ANKRD29: variants seen among roughly 807,000 people sequenced by gnomAD.
ANKRD29 encodes ankyrin repeat domain 29.
Under a neutral mutation model 38.0 loss-of-function variants are expected in ANKRD29, and 32 were observed. The observed-to-expected ratio is 0.84, with a 90% CI of 0.64 to 1.13. The LOEUF (loss-of-function observed/expected upper bound fraction) is 1.13, where lower values mean the gene tolerates loss of function less well. Among genes scored for constraint, ANKRD29 ranks in the 50% most tolerant of loss-of-function variants. The probability of loss-of-function intolerance (pLI) is 0.00; values close to 1 mark genes in which losing one functional copy is unlikely to be tolerated. For synonymous variants in ANKRD29, 135 were observed against 152.4 expected, an observed-to-expected ratio of 0.89 and a Z score of 0.84; for missense variants, 357 against 377.9, an observed-to-expected ratio of 0.94 and a Z score of 0.46.
At chr18:23,613,860 A>C (rs531341511) in intron 8 of ANKRD29, among the ~76,000 whole-genome samples, 1 of 152,166 alleles carries the variant, frequency 6.6e-6, no homozygotes, top group East Asian at 1.9e-4. Flanking sequence ...GGCCTTCCAA[A>C]GTGCTGGGAT....
At chr18:23,630,677 C>T (rs1374503969) in intron 5 of ANKRD29, among the ~76,000 whole-genome samples, 3 of 151,760 alleles carry the variant, frequency 2.0e-5, no homozygotes, top group Non-Finnish European at 4.4e-5. Flanking sequence ...ATATAATTTT[C>T]CATCTCCATC....
In ANKRD29 at chr18:23,630,744, C is replaced by T. The variant is rs192040462; in HGVS notation, c.430-793G>A. Among the ~76,000 whole-genome samples the T allele has an allele frequency of 1.3e-4, 20 of 151,514 alleles. No homozygotes were observed. The East Asian group carries it at 3.3e-3, about 25-fold the overall frequency. ...AGAGCCAAATGTTAGATATACAAATCCCCCAAACCTCATTTTTAAAAAATT... is the reference window on the plus strand; with the variant it reads ...AGAGCCAAATGTTAGATATACAAATTCCCCAAACCTCATTTTTAAAAAATT... On this transcript the variant is annotated intron_variant, in intron 5 of 9. Transcript: ENST00000592179.
intron 8 of ANKRD29, 150 bp downstream of exon 8, chr18:23,617,582 G>C (rs1395004210): frequency 1.8e-6 from 1 of 557,438 alleles, no homozygotes; most frequent in Non-Finnish European, 3.2e-6. Flanking sequence ...AGAGCCCCTG[G>C]GATCTCCAGC....
chr18:23,654,942 T>G (rs1303932524), intron 1 of ANKRD29, among the ~76,000 whole-genome samples: 3 of 152,194 alleles, frequency 2.0e-5, no homozygotes, highest in Non-Finnish European at 2.9e-5. Flanking sequence ...TAATGTGGAC[T>G]TCAATCGTAC....
Position 23,601,284 on chromosome 18 carries a change from G to A in ANKRD29, c.848C>T (p.Thr283Ile). ...GAGACGCAATATACGTTCATTTTTG[G>A]TTAGTTCTGCCGGAAGTTCATTGGC... ...NKANELPAEL[T>I]KNERILRLLR... is the part of the protein sequence containing the mutation. The change falls in exon 10 of 10, where the codon ACC (threonine) becomes ATC (isoleucine). Residue 283 changes from threonine to isoleucine, a missense_variant. Physicochemically the swap from Thr to Ile is moderately conservative, Grantham distance 89 (BLOSUM62 -1). Coordinates refer to ENST00000592179, the MANE Select transcript of ANKRD29 (RefSeq NM_173505.4). 1 of 1,613,868 alleles carries A rather than the reference G, an allele frequency of 6.2e-7. No homozygotes were observed. Among genetic ancestry groups the A allele is most frequent in the East Asian group, 2.2e-5 (1 of 44,868 alleles).
intron 8 of ANKRD29, among the ~76,000 whole-genome samples, chr18:23,613,878 A>G (rs551321614): frequency 6.6e-6 from 1 of 151,880 alleles, no homozygotes; most frequent in South Asian, 2.1e-4. Context: ...GATTACAGGC[A>G]TGAGCCCCCA....
intron 6 of ANKRD29, among the ~76,000 whole-genome samples, chr18:23,626,596 G>A (rs192464255): frequency 2.1e-4 from 32 of 152,294 alleles, no homozygotes; most frequent in African/African-American, 7.7e-4. Flanking sequence ...TTTGGCTTAG[G>A]ACAATATGGA....
intron 4 of ANKRD29, among the ~76,000 whole-genome samples, chr18:23,638,084 G>T (rs985538837): frequency 7.3e-6 from 1 of 137,036 alleles, no homozygotes; most frequent in African/African-American, 2.8e-5. Flanking sequence ...TGCAACCTCT[G>T]CCTCCCGGGT....
At chr18:23,650,542 C>T (rs2060197398) in intron 1 of ANKRD29, among the ~76,000 whole-genome samples, 1 of 152,154 alleles carries the variant, frequency 6.6e-6, no homozygotes, top group Admixed American at 6.5e-5. Flanking sequence ...GCAGAGCTGA[C>T]TGTAGTACAA....
At position 23,614,309 on chromosome 18, in the gene ANKRD29, A is replaced by C. The variant is rs76196623; in HGVS notation, c.724-2119T>G. Among the ~76,000 whole-genome samples, 538 of 152,036 alleles carry C rather than the reference A, an allele frequency of 3.5e-3. 4 individuals are homozygous for C. The highest frequency in any genetic ancestry group is 0.012 in the African/African-American group (515 of 41,474). Reference sequence around the variant, plus strand: ...ACTCCTAATCTCAGGTGATTCGCCCACCTTGGCCTCCCAAAGAGCTAGGAT... The same window carrying C: ...ACTCCTAATCTCAGGTGATTCGCCCCCCTTGGCCTCCCAAAGAGCTAGGAT... On this transcript the variant is annotated intron_variant, in intron 8 of 9. Coordinates refer to ENST00000592179, the MANE Select transcript of ANKRD29 (RefSeq NM_173505.4).
intron 8 of ANKRD29, among the ~76,000 whole-genome samples, chr18:23,616,594 AC>A (rs1437865733): frequency 1.6e-3 from 231 of 141,228 alleles, no homozygotes; most frequent in African/African-American, 5.8e-3. Context: ...ATATATATAT[AC>A]TATATATACT....
At position 23,662,830 on chromosome 18, in the gene ANKRD29, G is replaced by T; in HGVS notation, c.-100C>A. The T allele has an allele frequency of 9.0e-7, 1 of 1,113,312 alleles. No homozygotes were observed. Among genetic ancestry groups the T allele is most frequent in the South Asian group, 4.0e-5 (1 of 24,890 alleles). The allele number at this position is 1,113,312 out of a possible 1,614,324, so 69.0% of individuals were successfully genotyped here. A position where few individuals can be genotyped will look rare whatever the true frequency, so the allele number is the denominator to read the frequency against. On this transcript the variant is annotated 5_prime_UTR_variant, in exon 1 of 10. Transcript: ENST00000592179. ...CCGGGGCTCTCGGCGTTCCGCAGAGGGGCGGCCTCCGACGCCGCGCGCTCC... is the reference window on the plus strand; with the variant it reads ...CCGGGGCTCTCGGCGTTCCGCAGAGTGGCGGCCTCCGACGCCGCGCGCTCC...
At chr18:23,610,683 T>G (rs999499170) in intron 9 of ANKRD29, among the ~76,000 whole-genome samples, 4 of 152,050 alleles carry the variant, frequency 2.6e-5, no homozygotes, top group Non-Finnish European at 5.9e-5. Context: ...AAATAAAGGT[T>G]GTAGTTTAGT....
chr18:23,655,073 T>C (rs1035243291), intron 1 of ANKRD29, among the ~76,000 whole-genome samples: 2 of 152,232 alleles, frequency 1.3e-5, no homozygotes, highest in African/African-American at 4.8e-5. Flanking sequence ...AAAGATGTTT[T>C]TGAGACATCC....
At chr18:23,662,562 C>T (rs919085543) in intron 1 of ANKRD29, 148 bp downstream of exon 1, 32 of 785,292 alleles carry the variant, frequency 4.1e-5, no homozygotes, top group Non-Finnish European at 5.7e-5. Context: ...TCCCGGGCCT[C>T]GCCCGCAGCT....
intron 5 of ANKRD29, 43 bp downstream of exon 5, chr18:23,634,008 A>G (rs2145694549): frequency 6.3e-7 from 1 of 1,586,008 alleles, no homozygotes; most frequent in Non-Finnish European, 8.7e-7. Flanking sequence ...GCAATTTTGT[A>G]TGTGATGAGA....
At chr18:23,601,908 T>G (rs1471640779) in intron 9 of ANKRD29, among the ~76,000 whole-genome samples, 2 of 152,122 alleles carry the variant, frequency 1.3e-5, no homozygotes, top group African/African-American at 4.8e-5. Flanking sequence ...TCCTTCTGCC[T>G]CAGCTTCCAA....
At chr18:23,629,608 T>A (rs955068455) in intron 6 of ANKRD29, among the ~76,000 whole-genome samples, 1 of 152,234 alleles carries the variant, frequency 6.6e-6, no homozygotes, top group East Asian at 1.9e-4. Context: ...ACCTCAGACA[T>A]CAAATACTTA....
In ANKRD29 at chr18:23,648,993, C is replaced by A. The variant is rs1160836313; in HGVS notation, c.132+90G>T. ...GCAAACACATGAAAAAGTAAATAAG[C>A]ATTGTAAAGGGGAATGTATTCCTGA... On this transcript the variant is annotated intron_variant, in intron 2 of 9. Transcript: ENST00000592179. 5.8e-6 allele frequency: 6 copies of A among 1,030,990 alleles called. No individual in the cohort carries two copies. In the South Asian group the frequency reaches 6.0e-5, roughly 10 times the overall value. 63.9% of individuals were successfully genotyped at this position (1,030,990 alleles called of 1,614,324 possible). A position where few individuals can be genotyped will look rare whatever the true frequency, so the allele number is the denominator to read the frequency against.
Sources: gnomAD v4.1 joint callset for allele counts (sites outside exome capture counted in the v4.1 genomes callset) on GRCh38, gnomAD v4.1.1 for gene constraint, MANE v1.5 for transcripts, NCBI Gene and HGNC (gene_info 2026-07-23, HGNC 2026-07-21) for gene names.